Variants in MLLT10 observed in about 807,000 individuals in gnomAD.
MLLT10 encodes the protein protein AF-10.
Under a neutral mutation model 129.1 loss-of-function variants are expected in MLLT10, and 30 were observed. That is an observed-to-expected ratio of 0.23 (90% CI 0.17 to 0.32). The LOEUF (loss-of-function observed/expected upper bound fraction) is 0.32. MLLT10 is among the 10% of genes least tolerant of loss of function. The pLI, the probability that MLLT10 is intolerant of heterozygous loss-of-function variation, is 1.00. For synonymous variants in MLLT10, 490 were observed against 446.4 expected (o/e 1.10, Z -1.23); for missense variants, 1,119 against 1,268.3 (o/e 0.88, Z 1.79).
At chr10:21,625,151 A>G in intron 8 of MLLT10, 1 of 1,152,462 alleles carries the variant, frequency 8.7e-7, no homozygotes, top group Non-Finnish European at 1.3e-6. Flanking sequence ...GCATGCGAGG[A>G]GGAGGGTGTA....
intron 14 of MLLT10, among the ~76,000 whole-genome samples, chr10:21,723,844 A>G (rs1009149005): frequency 5.3e-5 from 8 of 152,206 alleles, no homozygotes; most frequent in Non-Finnish European, 8.8e-5. Flanking sequence ...TACAAAAGCT[A>G]TTTTTAAGTA....
intron 14 of MLLT10, among the ~76,000 whole-genome samples, chr10:21,725,075 CAG>C (rs1368596876): frequency 6.6e-6 from 1 of 152,146 alleles, no homozygotes; most frequent in African/African-American, 2.4e-5. Flanking sequence ...CAAAACAAAA[CAG>C]AAAAAGCAGC....
chr10:21,699,425 A>G (rs952838505), intron 13 of MLLT10, among the ~76,000 whole-genome samples: 3 of 151,490 alleles, frequency 2.0e-5, no homozygotes, highest in Admixed American at 6.6e-5. Context: ...TGTGATTTTG[A>G]TGTTTTAGCC....
rs532662736 is a variant in MLLT10 at position 21,742,470 on chromosome 10, C to A, written c.*487C>A. The stretch of plus-strand genomic sequence containing the variant: ...GAACTAATTTCTTCTCCTGGAGTTG[C>A]ATTGATTCAGTATTACAAATATATA... On this transcript the variant is annotated 3_prime_UTR_variant, in exon 23 of 23. Coordinates refer to ENST00000307729, the MANE Select transcript of MLLT10 (RefSeq NM_001195626.3). 2.8e-5 allele frequency: 6 copies of A among 215,960 alleles called. No individual in the cohort carries two copies. Among genetic ancestry groups the A allele is most frequent in the Middle Eastern group, 1.5e-3 (1 of 686 alleles). The allele number at this position is 215,960 out of a possible 1,614,324, so 13.4% of individuals were successfully genotyped here. A position where few individuals can be genotyped will look rare whatever the true frequency, so the allele number is the denominator to read the frequency against.
intron 3 of MLLT10, among the ~76,000 whole-genome samples, chr10:21,544,215 A>G (rs542497958): frequency 1.3e-5 from 2 of 152,346 alleles, no homozygotes; most frequent in African/African-American, 2.4e-5. Context: ...CTTAACCACC[A>G]TGTTGCCTCC....
In MLLT10 at chr10:21,734,034, G is replaced by A. The variant is rs147535183; in HGVS notation, c.2763G>A (p.Gln921=). The change falls in exon 20 of 23, where the codon CAG becomes CAA. Residue 921 remains glutamine (Q), a synonymous_variant. Transcript: ENST00000307729. ...TAGGAGCTTTAAATGGGGTTATGCA[G>A]ACTCCTGTCACAATGTCCCAGAACC... ...GIVGALNGVM[Q]TPVTMSQNPT... The A allele has an allele frequency of 6.2e-7, 1 of 1,614,032 alleles. No individual in the cohort carries two copies. The highest frequency in any genetic ancestry group is 1.3e-5 in the African/African-American group (1 of 74,902).
At chr10:21,559,990 C>G (rs2038597809) in intron 3 of MLLT10, among the ~76,000 whole-genome samples, 2 of 151,844 alleles carry the variant, frequency 1.3e-5, no homozygotes. Flanking sequence ...GTTGCTGGAT[C>G]ACATGGTAAT....
intron 21 of MLLT10, among the ~76,000 whole-genome samples, chr10:21,735,725 G>A (rs1263524070): frequency 6.6e-6 from 1 of 152,144 alleles, no homozygotes; most frequent in Non-Finnish European, 1.5e-5. Context: ...GAGAAAGCAC[G>A]TTGGAGGTAA....
At chr10:21,551,957 G>A in intron 3 of MLLT10, 1 of 248,860 alleles carries the variant, frequency 4.0e-6, no homozygotes, top group Non-Finnish European at 8.0e-6. Context: ...ACCATGCCTG[G>A]GCAATTTTTG....
At chr10:21,693,700 A>G (rs775758242) in intron 13 of MLLT10, among the ~76,000 whole-genome samples, 30 of 152,232 alleles carry the variant, frequency 2.0e-4, no homozygotes, top group Non-Finnish European at 1.5e-4. Flanking sequence ...TTCAAAATAC[A>G]GCATCTTACC....
intron 9 of MLLT10, among the ~76,000 whole-genome samples, chr10:21,664,195 C>T (rs2050501952): frequency 6.6e-6 from 1 of 150,672 alleles, no homozygotes; most frequent in Non-Finnish European, 1.5e-5. Context: ...TTACTGATTT[C>T]TAATTTAATA....
rs1175748633 is a variant in MLLT10, at chr10:21,635,947, T to C, written c.700-15726T>C. Among the ~76,000 whole-genome samples the C allele has an allele frequency of 2.2e-4, 32 of 148,536 alleles. No homozygotes were observed. In the East Asian group the frequency reaches 3.5e-3, roughly 16 times the overall value. ...GGCCTTTTTTTTTTTTTTTTTTTTT[T>C]ACATTGCTCTGTTTACTCCTCTTCT... is the stretch of plus-strand genomic sequence containing the variant. On this transcript the variant is annotated intron_variant, in intron 8 of 22. Coordinates refer to ENST00000307729, the MANE Select transcript of MLLT10 (RefSeq NM_001195626.3).
At chr10:21,731,498 A>G (rs1283108139) in intron 17 of MLLT10, among the ~76,000 whole-genome samples, 2 of 152,186 alleles carry the variant, frequency 1.3e-5, no homozygotes, top group Non-Finnish European at 2.9e-5. Flanking sequence ...AGTTTACTAA[A>G]ATACATGAGC....
intron 8 of MLLT10, chr10:21,626,100 C>CCTAG: frequency 3.1e-6 from 5 of 1,608,578 alleles, no homozygotes; most frequent in Middle Eastern, 2.0e-4. Flanking sequence ...GACTCTTGCA[C>CCTAG]CTAGCTCCCC....
chr10:21,567,943 C>T (rs570684243), intron 3 of MLLT10, among the ~76,000 whole-genome samples: 32 of 151,958 alleles, frequency 2.1e-4, no homozygotes, highest in African/African-American at 7.5e-4. Context: ...CCTCAGCCTC[C>T]GGAGTAGCTG....
At chr10:21,543,369 C>G (rs1213373581) in intron 3 of MLLT10, among the ~76,000 whole-genome samples, 1 of 152,230 alleles carries the variant, frequency 6.6e-6, no homozygotes, top group Non-Finnish European at 1.5e-5. Context: ...GATCCACCCG[C>G]CTCAGCCTCC....
chr10:21,695,296 C>G (rs1200590010), intron 13 of MLLT10, among the ~76,000 whole-genome samples: 1 of 152,124 alleles, frequency 6.6e-6, no homozygotes, highest in Non-Finnish European at 1.5e-5. Flanking sequence ...CACTCAGCCC[C>G]TCTTCTGCTT....
chr10:21,585,949 C>T (rs1344416830), intron 3 of MLLT10, among the ~76,000 whole-genome samples: 5 of 152,018 alleles, frequency 3.3e-5, no homozygotes, highest in African/African-American at 1.2e-4. Context: ...TTAGTAGAGA[C>T]GGGGTTTCTG....
At chr10:21,687,139 T>C (rs909149082) in intron 13 of MLLT10, among the ~76,000 whole-genome samples, 10 of 152,156 alleles carry the variant, frequency 6.6e-5, no homozygotes, top group African/African-American at 2.4e-4. Context: ...ACTAAACAAA[T>C]AGGGTTTGTT....
Sources: gnomAD v4.1 joint callset for allele counts (sites outside exome capture counted in the v4.1 genomes callset) on GRCh38, gnomAD v4.1.1 for gene constraint, MANE v1.5 for transcripts, NCBI Gene and HGNC (gene_info 2026-07-23, HGNC 2026-07-21) for gene names.